Variants in CSMD1 observed in about 807,000 individuals in gnomAD.
The protein encoded by CSMD1 is CUB and sushi domain-containing protein 1.
Under a neutral mutation model 417.5 loss-of-function variants are expected in CSMD1, and 213 were observed. The ratio of observed to expected loss-of-function variants is 0.51; its 90% CI spans 0.46 to 0.57. The LOEUF (loss-of-function observed/expected upper bound fraction) is 0.57, where lower values mean the gene tolerates loss of function less well. Ranked by LOEUF, CSMD1 falls within the 20% of genes least tolerant of loss-of-function variation. CSMD1 has a pLI of 0.00. For synonymous variants in CSMD1, 2,862 were observed against 1,736.8 expected (o/e 1.65, Z -16.11); for missense variants, 6,923 against 4,529.7 (o/e 1.53, Z -15.17).
intron 25 of CSMD1, among the ~76,000 whole-genome samples, chr8:3,299,232 G>A (rs534925957): frequency 3.3e-5 from 5 of 152,004 alleles, no homozygotes; most frequent in African/African-American, 7.3e-5. Flanking sequence ...TGGGTGGATC[G>A]CCTGAGGTCA....
At chr8:4,169,554 C>G (rs971563408) in intron 3 of CSMD1, among the ~76,000 whole-genome samples, 4 of 152,172 alleles carry the variant, frequency 2.6e-5, no homozygotes, top group African/African-American at 7.2e-5. Context: ...ACTCATGTTA[C>G]TTTTCTCATA....
Position 3,141,923 on chromosome 8 carries a change from G to A in CSMD1, c.6241+542C>T, listed in dbSNP as rs556351716. Among the ~76,000 whole-genome samples, 33 of 151,456 alleles carry A rather than the reference G, an allele frequency of 2.2e-4. No homozygotes were observed. The South Asian group carries it at 5.9e-3, about 27-fold the overall frequency. On this transcript the variant is annotated intron_variant, in intron 41 of 69. Transcript: ENST00000635120. ...CGCCACTCTCCTGCCTCAGCCTCCC[G>A]AGTAGCTGGGACTACAGGCGCCCGC...
chr8:4,234,715 G>A (rs1181833852), intron 3 of CSMD1, among the ~76,000 whole-genome samples: 3 of 152,104 alleles, frequency 2.0e-5, no homozygotes, highest in South Asian at 2.1e-4. Flanking sequence ...ACGGCCACAC[G>A]GTGTCGCTGC....
chr8:4,352,589 G>A (rs896356132), intron 3 of CSMD1, among the ~76,000 whole-genome samples: 1 of 152,168 alleles, frequency 6.6e-6, no homozygotes, highest in Non-Finnish European at 1.5e-5. Context: ...CATTTTGCAA[G>A]TAGCTAAGTT....
chr8:3,235,993 C>G (rs1250141302), intron 26 of CSMD1, among the ~76,000 whole-genome samples: 2 of 144,788 alleles, frequency 1.4e-5, no homozygotes, highest in Non-Finnish European at 3.0e-5. Context: ...TCTCGGCTCA[C>G]TGCAAGCTCC....
At chr8:3,714,392 T>C (rs528674621) in intron 6 of CSMD1, among the ~76,000 whole-genome samples, 2 of 150,626 alleles carry the variant, frequency 1.3e-5, no homozygotes, top group Non-Finnish European at 3.0e-5. Context: ...TCCAATTCCA[T>C]CATATATATT....
chr8:4,574,487 T>C (rs964182205), intron 2 of CSMD1, among the ~76,000 whole-genome samples: 2 of 152,164 alleles, frequency 1.3e-5, no homozygotes, highest in African/African-American at 4.8e-5. Flanking sequence ...AAATGATCCA[T>C]GTACCTCAGA....
intron 6 of CSMD1, among the ~76,000 whole-genome samples, chr8:3,731,542 G>T (rs528153840): frequency 6.3e-4 from 96 of 152,250 alleles, no homozygotes; most frequent in African/African-American, 2.2e-3. Context: ...AGTATGGCTG[G>T]GGTGATTTGA....
intron 5 of CSMD1, among the ~76,000 whole-genome samples, chr8:3,899,876 C>T (rs1413262743): frequency 6.6e-6 from 1 of 152,188 alleles, no homozygotes; most frequent in Non-Finnish European, 1.5e-5. Context: ...TCCTTTACTC[C>T]AAACCCTGAG....
At chr8:3,459,525 G>C (rs1303500002) in intron 12 of CSMD1, among the ~76,000 whole-genome samples, 1 of 152,144 alleles carries the variant, frequency 6.6e-6, no homozygotes. Context: ...GATGAGAGCA[G>C]AGAACATGAT....
intron 2 of CSMD1, among the ~76,000 whole-genome samples, chr8:4,593,129 A>C (rs898851800): frequency 2.6e-5 from 4 of 152,062 alleles, no homozygotes; most frequent in African/African-American, 9.7e-5. Flanking sequence ...TCTTAGGGTG[A>C]ATGGAGGATG....
intron 1 of CSMD1, among the ~76,000 whole-genome samples, chr8:4,823,729 G>T (rs1045768118): frequency 1.4e-4 from 21 of 151,856 alleles, no homozygotes; most frequent in African/African-American, 4.9e-4. Context: ...TACTACAGAA[G>T]TGAAATGAGT....
At chr8:4,264,125 G>C (rs1481478016) in intron 3 of CSMD1, among the ~76,000 whole-genome samples, 1 of 152,116 alleles carries the variant, frequency 6.6e-6, no homozygotes, top group Non-Finnish European at 1.5e-5. Context: ...GACATTTGTA[G>C]GTAAAGAATA....
chr8:4,244,039 C>G (rs1021957629), intron 3 of CSMD1, among the ~76,000 whole-genome samples: 2 of 152,182 alleles, frequency 1.3e-5, no homozygotes, highest in African/African-American at 2.4e-5. Flanking sequence ...GCTGCAGGCT[C>G]TTTGTTTTTA....
At chr8:4,343,022 T>C (rs560034145) in intron 3 of CSMD1, among the ~76,000 whole-genome samples, 8 of 152,194 alleles carry the variant, frequency 5.3e-5, no homozygotes, top group Non-Finnish European at 1.2e-4. Flanking sequence ...GACTTGTGCC[T>C]CCTCCAACCC....
At chr8:4,732,262 T>C (rs1473152722) in intron 1 of CSMD1, among the ~76,000 whole-genome samples, 6 of 152,070 alleles carry the variant, frequency 3.9e-5, no homozygotes, top group South Asian at 2.1e-4. Context: ...TATGGTGTAA[T>C]TGAAAGACAC....
At chr8:3,499,866 A>G (rs551524399) in intron 10 of CSMD1, among the ~76,000 whole-genome samples, 16 of 152,036 alleles carry the variant, frequency 1.1e-4, no homozygotes, top group Non-Finnish European at 1.8e-4. Context: ...CTGTCCTGAA[A>G]ATGGCACCAT....
chr8:4,427,042 G>A (rs999296443), intron 2 of CSMD1, among the ~76,000 whole-genome samples: 1 of 152,084 alleles, frequency 6.6e-6, no homozygotes, highest in African/African-American at 2.4e-5. Flanking sequence ...AACTGGTGTA[G>A]ACGGAACAGC....
intron 1 of CSMD1, among the ~76,000 whole-genome samples, chr8:4,736,784 C>G (rs1322988247): frequency 2.0e-5 from 3 of 152,182 alleles, no homozygotes; most frequent in African/African-American, 7.2e-5. Flanking sequence ...CACTCTAACA[C>G]TTTTGTATAA....
Sources: allele counts gnomAD v4.1 joint callset (sites outside exome capture counted in the v4.1 genomes callset), GRCh38; gene constraint gnomAD v4.1.1; transcripts MANE v1.5; gene names NCBI Gene and HGNC (gene_info 2026-07-23, HGNC 2026-07-21).